NBAS: variants seen among roughly 807,000 people sequenced by gnomAD.
NBAS encodes NBAS subunit of NRZ tethering complex, also known as NAG/BC035112 fusion.
Under a neutral mutation model 302.5 loss-of-function variants are expected in NBAS, and 219 were observed. The ratio of observed to expected loss-of-function variants is 0.72; its 90% CI spans 0.65 to 0.81. The LOEUF (loss-of-function observed/expected upper bound fraction) is 0.81. Ranked by LOEUF, NBAS falls within the 30% of genes least tolerant of loss-of-function variation. The pLI is 0.00. For synonymous variants in NBAS, 1,118 were observed against 1,021.6 expected, an observed-to-expected ratio of 1.09 and a Z score of -1.80; for missense variants, 2,932 against 2,841.6, an observed-to-expected ratio of 1.03 and a Z score of -0.72.
the NBAS span, among the ~76,000 whole-genome samples, chr2:15,024,662 T>A: frequency 6.6e-6 from 1 of 152,160 alleles, no homozygotes; most frequent in South Asian, 2.1e-4. Context: ...TAGCCATTTT[T>A]TGACTGGTGT....
At chr2:15,202,945 C>T (rs1044019646) in intron 48 of NBAS, among the ~76,000 whole-genome samples, 7 of 152,128 alleles carry the variant, frequency 4.6e-5, no homozygotes, top group East Asian at 3.9e-4. Context: ...AAAATTTTCT[C>T]GCTGTAGTGT....
chr2:15,026,708 C>T, the NBAS span, among the ~76,000 whole-genome samples: 12 of 152,052 alleles, frequency 7.9e-5, no homozygotes, highest in South Asian at 8.3e-4. Flanking sequence ...TTTGGGTTTG[C>T]AGTTTTAGTT....
At chr2:15,335,075 G>C (rs978654180) in intron 35 of NBAS, among the ~76,000 whole-genome samples, 1 of 150,636 alleles carries the variant, frequency 6.6e-6, no homozygotes, top group Admixed American at 6.6e-5. Context: ...TCAACTCCAC[G>C]CCTGTAATCC....
chr2:14,797,702 G>A, the NBAS span, among the ~76,000 whole-genome samples: 1 of 152,084 alleles, frequency 6.6e-6, no homozygotes, highest in East Asian at 1.9e-4. Context: ...GGCTGAGCGT[G>A]AAGCTATAGT....
intron 44 of NBAS, among the ~76,000 whole-genome samples, chr2:15,243,475 G>A (rs1374250213): frequency 6.6e-6 from 1 of 151,524 alleles, no homozygotes; most frequent in African/African-American, 2.4e-5. Flanking sequence ...GTGCATGAGA[G>A]ACTATCTACC....
chr2:15,166,868 C>G (rs2125093434), downstream of NBAS: 1 of 692,236 alleles, frequency 1.4e-6, no homozygotes, highest in South Asian at 3.6e-5. Context: ...ATGTTCACCA[C>G]TCAGTACAAG....
chr2:15,432,411 G>A (rs1351856625), intron 21 of NBAS, among the ~76,000 whole-genome samples: 1 of 151,820 alleles, frequency 6.6e-6, no homozygotes, highest in Non-Finnish European at 1.5e-5. Flanking sequence ...AACTACGCTG[G>A]CTTTCATTTG....
chr2:14,974,172 C>T, the NBAS span, among the ~76,000 whole-genome samples: 6 of 152,184 alleles, frequency 3.9e-5, no homozygotes, highest in South Asian at 2.1e-4. Flanking sequence ...TCTACTACTG[C>T]GCATTAAGCT....
At chr2:15,127,454 G>T in the NBAS span, among the ~76,000 whole-genome samples, 1 of 152,150 alleles carries the variant, frequency 6.6e-6, no homozygotes, top group Admixed American at 6.5e-5. Context: ...TCCCTGTGTC[G>T]CAGCACAGCA....
At chr2:15,085,848 C>T in the NBAS span, among the ~76,000 whole-genome samples, 1 of 152,166 alleles carries the variant, frequency 6.6e-6, no homozygotes, top group African/African-American at 2.4e-5. Flanking sequence ...CCACCTCAGG[C>T]CCTGGACTTT....
chr2:14,919,491 ATG>A, the NBAS span, among the ~76,000 whole-genome samples: 1 of 152,188 alleles, frequency 6.6e-6, no homozygotes, highest in African/African-American at 2.4e-5. Context: ...TAAGACAATG[ATG>A]AAGTTTGCTG....
At chr2:14,860,918 G>A in the NBAS span, among the ~76,000 whole-genome samples, 2 of 151,956 alleles carry the variant, frequency 1.3e-5, no homozygotes, top group African/African-American at 4.8e-5. Flanking sequence ...TGATTTGACC[G>A]TTACAAATTA....
chr2:15,480,582 A>G (rs1680388899), intron 12 of NBAS, among the ~76,000 whole-genome samples: 1 of 152,150 alleles, frequency 6.6e-6, no homozygotes, highest in African/African-American at 2.4e-5. Flanking sequence ...GGTACAAAGA[A>G]GTTTTATGGT....
the NBAS span, among the ~76,000 whole-genome samples, chr2:14,794,798 T>C: frequency 6.6e-6 from 1 of 152,202 alleles, no homozygotes. Context: ...ATTGATCTGC[T>C]TTCTGTCACT....
At position 15,308,205 on chromosome 2, in the gene NBAS, T is replaced by C. The variant is rs1326215079; in HGVS notation, c.4797+11A>G. 2 of 1,614,156 alleles carry C rather than the reference T, an allele frequency of 1.2e-6. No homozygotes were observed. Among genetic ancestry groups the C allele is most frequent in the Admixed American group, 1.7e-5 (1 of 60,016 alleles). ...CTGCTCAATAATAAGCTGGAAATCA[T>C]GAAGACTCACCCTGTAAAGAGGATG... On this transcript the variant is annotated intron_variant, in intron 40 of 51. Transcript: ENST00000281513.
At chr2:15,496,576 T>A (rs1457013875) in intron 11 of NBAS, among the ~76,000 whole-genome samples, 1 of 150,686 alleles carries the variant, frequency 6.6e-6, no homozygotes, top group Admixed American at 6.6e-5. Flanking sequence ...AATAAAAAGC[T>A]TAGGAAGGAA....
intron 31 of NBAS, among the ~76,000 whole-genome samples, chr2:15,371,893 C>T (rs559676247): frequency 7.9e-4 from 120 of 152,196 alleles, no homozygotes; most frequent in African/African-American, 2.7e-3. Flanking sequence ...TAAGACTACA[C>T]TAATTCTATG....
chr2:15,481,347 T>C (rs1680419502), intron 12 of NBAS, among the ~76,000 whole-genome samples: 1 of 152,192 alleles, frequency 6.6e-6, no homozygotes, highest in Admixed American at 6.5e-5. Flanking sequence ...ATAATAAGCA[T>C]GTATGTGCAC....
chr2:15,548,115 T>G (rs1393500177), intron 6 of NBAS, among the ~76,000 whole-genome samples: 2 of 152,222 alleles, frequency 1.3e-5, no homozygotes, highest in African/African-American at 2.4e-5. Context: ...ATTTCTAAAG[T>G]TAAACAAGAA....
Sources: allele counts gnomAD v4.1 joint callset (sites outside exome capture counted in the v4.1 genomes callset), GRCh38; gene constraint gnomAD v4.1.1; transcripts MANE v1.5; gene names NCBI Gene and HGNC (gene_info 2026-07-23, HGNC 2026-07-21).